The following MYT1L variants were observed in gnomAD, a reference collection of about 807,000 sequenced individuals.
The protein encoded by MYT1L is myelin transcription factor 1-like protein.
A neutral mutation model predicts 126.7 loss-of-function variants in MYT1L; 12 were observed. That is an observed-to-expected ratio of 0.09 (90% CI 0.06 to 0.15). MYT1L has a LOEUF of 0.15. Ranked by LOEUF, MYT1L falls within the 10% of genes least tolerant of loss-of-function variation. MYT1L has a pLI of 1.00. For synonymous variants in MYT1L, 541 were observed against 604.2 expected (o/e 0.90, Z 1.53); for missense variants, 979 against 1,585.2 (o/e 0.62, Z 6.49).
chr2:1,866,279 G>T (rs1256281957), intron 18 of MYT1L, among the ~76,000 whole-genome samples: 3 of 152,116 alleles, frequency 2.0e-5, no homozygotes, highest in African/African-American at 7.2e-5. Context: ...GGGGTGTTGT[G>T]AGTGGACAAA....
chr2:2,217,032 TAAC>T (rs1485881110), intron 2 of MYT1L, among the ~76,000 whole-genome samples: 1 of 152,198 alleles, frequency 6.6e-6, no homozygotes, highest in Non-Finnish European at 1.5e-5. Context: ...AAATTGTAGT[TAAC>T]AACTTTTCCA....
intron 3 of MYT1L, among the ~76,000 whole-genome samples, chr2:2,122,870 T>TGAGAGAGAGAGA (rs1437538873): frequency 1.7e-4 from 21 of 126,408 alleles, no homozygotes; most frequent in Admixed American, 1.4e-3. Flanking sequence ...TGTGTGTGTG[T>TGAGAGAGAGAGA]GTGAGAGAGA....
chr2:2,234,371 T>C (rs2094232238), intron 2 of MYT1L, among the ~76,000 whole-genome samples: 1 of 152,230 alleles, frequency 6.6e-6, no homozygotes. Context: ...CGCACACATT[T>C]GTAGGGTGCG....
At chr2:2,039,015 C>G (rs554705352) in intron 4 of MYT1L, among the ~76,000 whole-genome samples, 1 of 152,194 alleles carries the variant, frequency 6.6e-6, no homozygotes, top group Non-Finnish European at 1.5e-5. Flanking sequence ...GCCGATGAGG[C>G]ACTGTCACCT....
At chr2:2,312,757 G>GGACA (rs2095995653) in intron 1 of MYT1L, among the ~76,000 whole-genome samples, 1 of 152,132 alleles carries the variant, frequency 6.6e-6, no homozygotes, top group Non-Finnish European at 1.5e-5. Flanking sequence ...GGCTAACCAA[G>GGACA]GACAGAGGAG....
intron 3 of MYT1L, among the ~76,000 whole-genome samples, chr2:2,095,176 G>C (rs112658121): frequency 1.3e-5 from 2 of 152,256 alleles, no homozygotes; most frequent in Non-Finnish European, 2.9e-5. Flanking sequence ...CCCCCAAGTT[G>C]TGACAGAAGC....
At chr2:2,084,245 TGA>T (rs2076138369) in intron 3 of MYT1L, among the ~76,000 whole-genome samples, 1 of 152,226 alleles carries the variant, frequency 6.6e-6, no homozygotes, top group South Asian at 2.1e-4. Flanking sequence ...TAGTATAGAC[TGA>T]GAGGGCTAAT....
intron 8 of MYT1L, among the ~76,000 whole-genome samples, chr2:1,952,712 T>C: frequency 1.7e-5 from 1 of 60,290 alleles, no homozygotes; most frequent in Non-Finnish European, 3.6e-5. Flanking sequence ...CTTCCTTCCC[T>C]TCCCTCCTTC....
intron 3 of MYT1L, among the ~76,000 whole-genome samples, chr2:2,123,525 G>T (rs564161745): frequency 2.0e-5 from 3 of 152,064 alleles, no homozygotes; most frequent in Non-Finnish European, 4.4e-5. Context: ...CTGAGTTCTC[G>T]CAAGACCTGG....
At chr2:1,854,890 C>T (rs1010265040) in intron 18 of MYT1L, among the ~76,000 whole-genome samples, 5 of 152,192 alleles carry the variant, frequency 3.3e-5, no homozygotes, top group Admixed American at 3.3e-4. Context: ...CTGCCCTCAA[C>T]GTCCTCACTA....
chr2:2,146,847 T>C (rs2084955562), intron 3 of MYT1L, among the ~76,000 whole-genome samples: 1 of 152,172 alleles, frequency 6.6e-6, no homozygotes, highest in Admixed American at 6.5e-5. Context: ...GCAGCAAAAC[T>C]CCAGGCAATG....
chr2:2,320,915 G>A (rs1165212408), intron 1 of MYT1L, among the ~76,000 whole-genome samples: 2 of 152,196 alleles, frequency 1.3e-5, no homozygotes, highest in East Asian at 1.9e-4. Flanking sequence ...GATGAGCAAC[G>A]CTTTCCACGA....
intron 8 of MYT1L, among the ~76,000 whole-genome samples, chr2:1,956,619 T>TCTACCTAC (rs1174179411): frequency 0.027 from 3,606 of 134,362 alleles, 78 homozygotes; most frequent in East Asian, 0.047. Flanking sequence ...TATCTATCTA[T>TCTACCTAC]CTACCTACCT....
chr2:2,245,252 C>T (rs1038842181), intron 2 of MYT1L, among the ~76,000 whole-genome samples: 2 of 152,036 alleles, frequency 1.3e-5, no homozygotes, highest in Admixed American at 1.3e-4. Context: ...CGACCTTCGG[C>T]AGGCTCCAAC....
chr2:1,930,041 G>T (rs34567837), intron 9 of MYT1L, among the ~76,000 whole-genome samples: 1 of 152,178 alleles, frequency 6.6e-6, no homozygotes, highest in Non-Finnish European at 1.5e-5. Flanking sequence ...TTCATGTCCT[G>T]CATGCTCCCT....
At chr2:2,129,227 C>T (rs2082071255) in intron 3 of MYT1L, among the ~76,000 whole-genome samples, 2 of 152,110 alleles carry the variant, frequency 1.3e-5, no homozygotes, top group South Asian at 4.1e-4. Flanking sequence ...CACAGTTTCA[C>T]GTGTCTCTAG....
Position 1,956,619 on chromosome 2 carries a change from T to TCTATCTATCTACCTAC in MYT1L, c.153-13286_153-13285insGTAGGTAGATAGATAG, listed in dbSNP as rs1240851045. 5.6e-4 allele frequency among the ~76,000 whole-genome samples: 75 copies of TCTATCTATCTACCTAC among 134,356 alleles called. 1 individual carries two copies. Among genetic ancestry groups the TCTATCTATCTACCTAC allele is most frequent in the Non-Finnish European group, 8.4e-4 (52 of 61,584 alleles). 88.1% of individuals were successfully genotyped at this position (134,356 alleles called of 152,430 possible). ...ATCTATCTATCTATCTATCTATCTA[T>TCTATCTATCTACCTAC]CTACCTACCTACCTATCTAGCTATC... is the stretch of plus-strand genomic sequence containing the variant. On this transcript the variant is annotated intron_variant, in intron 8 of 24. Coordinates refer to ENST00000647738, the MANE Select transcript of MYT1L (RefSeq NM_001303052.2).
intron 2 of MYT1L, among the ~76,000 whole-genome samples, chr2:2,174,356 A>T (rs1046288067): frequency 1.3e-5 from 2 of 152,182 alleles, no homozygotes; most frequent in African/African-American, 4.8e-5. Flanking sequence ...AAATGCAAGG[A>T]ATTCTTGCAG....
At chr2:2,014,299 C>T (rs1008427979) in intron 4 of MYT1L, among the ~76,000 whole-genome samples, 1 of 151,642 alleles carries the variant, frequency 6.6e-6, no homozygotes, top group Non-Finnish European at 1.5e-5. Flanking sequence ...TCCTTGTGAA[C>T]CGCCTTTTGT....
Sources: allele counts gnomAD v4.1 joint callset (sites outside exome capture counted in the v4.1 genomes callset), GRCh38; gene constraint gnomAD v4.1.1; transcripts MANE v1.5; gene names NCBI Gene and HGNC (gene_info 2026-07-23, HGNC 2026-07-21).